Variants in ZNF277 observed in about 807,000 individuals in gnomAD.
ZNF277 encodes the protein nuclear receptor-interacting factor 4.
A neutral mutation model predicts 60.7 loss-of-function variants in ZNF277; 55 were observed. The ratio of observed to expected loss-of-function variants is 0.91; its 90% CI spans 0.73 to 1.13. The LOEUF is 1.13. ZNF277 is among the 50% of genes most tolerant of loss of function. The pLI, the probability that ZNF277 is intolerant of heterozygous loss-of-function variation, is 0.00. For synonymous variants in ZNF277, 178 were observed against 179.3 expected, an observed-to-expected ratio of 0.99 and a Z score of 0.06; for missense variants, 510 against 523.0, an observed-to-expected ratio of 0.98 and a Z score of 0.24.
At chr7:112,226,223 G>A (rs1336135411) in intron 1 of ZNF277, among the ~76,000 whole-genome samples, 2 of 152,012 alleles carry the variant, frequency 1.3e-5, no homozygotes, top group Non-Finnish European at 2.9e-5. Flanking sequence ...AATCACTGTC[G>A]TTCATCTTCA....
chr7:112,340,279 G>A (rs925995489), intron 10 of ZNF277, among the ~76,000 whole-genome samples: 2 of 152,196 alleles, frequency 1.3e-5, no homozygotes, highest in South Asian at 2.1e-4. Flanking sequence ...AGTGAATAAT[G>A]TATGGTAAAT....
chr7:112,291,351 TTG>T (rs1481911658), intron 2 of ZNF277, among the ~76,000 whole-genome samples: 1 of 152,178 alleles, frequency 6.6e-6, no homozygotes, highest in Non-Finnish European at 1.5e-5. Flanking sequence ...CAAGGATTTT[TTG>T]TGAGACAATT....
chr7:112,292,379 TAGG>T (rs756621611), intron 2 of ZNF277, among the ~76,000 whole-genome samples: 9 of 152,134 alleles, frequency 5.9e-5, no homozygotes, highest in Non-Finnish European at 1.0e-4. Context: ...GGTAGCAACT[TAGG>T]AGCAGTTCAG....
Position 112,276,586 on chromosome 7 carries a change from A to G in ZNF277, c.92-10287A>G, listed in dbSNP as rs1447461736. Reference sequence around the variant, plus strand: ...AGACAGGATGCAGTAATCTAGCCCTATTAGAGACTTTCCAGAATATATAAC... The same window carrying G: ...AGACAGGATGCAGTAATCTAGCCCTGTTAGAGACTTTCCAGAATATATAAC... On this transcript the variant is annotated intron_variant, in intron 1 of 11. Coordinates refer to ENST00000361822, the MANE Select transcript of ZNF277 (RefSeq NM_021994.3). 3.3e-5 allele frequency among the ~76,000 whole-genome samples: 5 copies of G among 152,224 alleles called. 1 individual carries two copies. In the South Asian group the frequency reaches 6.2e-4, roughly 19 times the overall value.
rs775283348 is a variant in ZNF277, at chr7:112,314,044, A to G, written c.466-4138A>G. Among the ~76,000 whole-genome samples, 7 of 152,160 alleles carry G rather than the reference A, an allele frequency of 4.6e-5. 2 individuals carry two copies. The highest frequency in any genetic ancestry group is 8.8e-5 in the Non-Finnish European group (6 of 68,014). On this transcript the variant is annotated intron_variant, in intron 4 of 11. Coordinates refer to ENST00000361822, the MANE Select transcript of ZNF277 (RefSeq NM_021994.3). Reference sequence around the variant, plus strand: ...AGTTTTCCTGAAGACCAAGCAATATAGATGCCAACTGAATGCTATAAAACT... The same window carrying G: ...AGTTTTCCTGAAGACCAAGCAATATGGATGCCAACTGAATGCTATAAAACT...
chr7:112,300,441 G>A (rs1222989430), intron 4 of ZNF277, among the ~76,000 whole-genome samples: 1 of 152,068 alleles, frequency 6.6e-6, no homozygotes, highest in Admixed American at 6.6e-5. Flanking sequence ...CATCAGTCTA[G>A]CTTAGTCTTG....
chr7:112,207,592 G>C (rs1014968095), intron 1 of ZNF277, among the ~76,000 whole-genome samples: 3 of 152,286 alleles, frequency 2.0e-5, no homozygotes, highest in African/African-American at 7.2e-5. Flanking sequence ...AATTTTGAAA[G>C]CTGCAGGTGG....
intron 1 of ZNF277, among the ~76,000 whole-genome samples, chr7:112,207,253 G>A (rs959092054): frequency 2.6e-5 from 4 of 152,128 alleles, no homozygotes; most frequent in Admixed American, 1.3e-4. Context: ...TTTAGCTTCC[G>A]GAGTATTTCC....
intron 2 of ZNF277, among the ~76,000 whole-genome samples, chr7:112,294,270 G>T (rs1420802005): frequency 6.6e-6 from 1 of 152,200 alleles, no homozygotes; most frequent in Non-Finnish European, 1.5e-5. Context: ...GGAGACTGAG[G>T]AGTACAACGT....
intron 4 of ZNF277, among the ~76,000 whole-genome samples, chr7:112,317,876 GCA>G (rs1410677472): frequency 2.0e-5 from 3 of 152,078 alleles, no homozygotes; most frequent in African/African-American, 7.2e-5. Flanking sequence ...AAAGATCCCA[GCA>G]CAATTTTGGT....
intron 1 of ZNF277, among the ~76,000 whole-genome samples, chr7:112,256,427 T>TTTTG (rs1791309780): frequency 1.4e-5 from 2 of 142,824 alleles, no homozygotes; most frequent in African/African-American, 2.6e-5. Flanking sequence ...TGGAGTTTTT[T>TTTTG]TTTTTTTTTT....
intron 1 of ZNF277, 136 bp downstream of exon 1, chr7:112,206,943 T>A: frequency 1.2e-6 from 1 of 804,050 alleles, no homozygotes. Context: ...CCACGGGTGG[T>A]GGCCCAGCGG....
chr7:112,239,255 A>G (rs553422685), intron 1 of ZNF277, among the ~76,000 whole-genome samples: 9 of 152,180 alleles, frequency 5.9e-5, no homozygotes, highest in Non-Finnish European at 1.2e-4. Context: ...TAAAGTTTCC[A>G]GTTCTAAGCC....
At chr7:112,243,847 C>T (rs1256807291) in intron 1 of ZNF277, among the ~76,000 whole-genome samples, 1 of 152,068 alleles carries the variant, frequency 6.6e-6, no homozygotes, top group Non-Finnish European at 1.5e-5. Context: ...GATACCTGCA[C>T]TCATATGTTT....
At position 112,342,771 on chromosome 7, in the gene ZNF277, T is replaced by C. The variant is rs1793470275; in HGVS notation, c.*42T>C. On this transcript the variant is annotated 3_prime_UTR_variant, in exon 12 of 12. Coordinates refer to ENST00000361822, the MANE Select transcript of ZNF277 (RefSeq NM_021994.3). ...AGAAGAAACTACCACAGAAGCAATT[T>C]TTCATGTTTTTCTCCTATGAGACAG... 1 of 1,411,664 alleles carries C rather than the reference T, an allele frequency of 7.1e-7. No individual in the cohort carries two copies. Among genetic ancestry groups the C allele is most frequent in the Non-Finnish European group, 9.4e-7 (1 of 1,069,162 alleles). 87.4% of individuals were successfully genotyped at this position (1,411,664 alleles called of 1,614,324 possible). A position where few individuals can be genotyped will look rare whatever the true frequency, so the allele number is the denominator to read the frequency against.
intron 1 of ZNF277, among the ~76,000 whole-genome samples, chr7:112,253,660 T>A (rs546066466): frequency 6.6e-6 from 1 of 152,178 alleles, no homozygotes; most frequent in African/African-American, 2.4e-5. Flanking sequence ...CATGCCTTAT[T>A]GTACATAATA....
At chr7:112,221,255 C>CG (rs1822022721) in intron 1 of ZNF277, among the ~76,000 whole-genome samples, 1 of 152,156 alleles carries the variant, frequency 6.6e-6, no homozygotes, top group Non-Finnish European at 1.5e-5. Context: ...CCATGACCCA[C>CG]GGCTTCTAAT....
At chr7:112,301,237 A>C (rs947430668) in intron 4 of ZNF277, among the ~76,000 whole-genome samples, 1 of 152,050 alleles carries the variant, frequency 6.6e-6, no homozygotes, top group Non-Finnish European at 1.5e-5. Flanking sequence ...TCCTGGGCTC[A>C]AGAGATCCTC....
At chr7:112,313,392 A>C (rs979463525) in intron 4 of ZNF277, among the ~76,000 whole-genome samples, 1 of 150,736 alleles carries the variant, frequency 6.6e-6, no homozygotes, top group Non-Finnish European at 1.5e-5. Context: ...CGATCGTCCC[A>C]CCTCAGTCAG....
Sources: allele counts gnomAD v4.1 joint callset (sites outside exome capture counted in the v4.1 genomes callset), GRCh38; gene constraint gnomAD v4.1.1; transcripts MANE v1.5; gene names NCBI Gene and HGNC (gene_info 2026-07-23, HGNC 2026-07-21).